The following TNRC6C variants were observed in gnomAD, a reference collection of about 807,000 sequenced individuals.
TNRC6C encodes trinucleotide repeat containing adaptor 6C.
In TNRC6C, 20 loss-of-function variants were observed where a neutral mutation model predicts 153.7. That is an observed-to-expected ratio of 0.13 (90% confidence interval 0.09 to 0.19). The LOEUF is 0.19. Among genes scored for constraint, TNRC6C ranks in the 10% least tolerant of loss-of-function variants. The pLI, the probability that TNRC6C is intolerant of heterozygous loss-of-function variation, is 1.00. For missense variants in TNRC6C, 1,987 were observed against 2,172.0 expected, an observed-to-expected ratio of 0.91 and a Z score of 1.69; for synonymous variants, 811 against 841.4, an observed-to-expected ratio of 0.96 and a Z score of 0.63.
intron 1 of TNRC6C, among the ~76,000 whole-genome samples, chr17:77,979,536 A>G (rs2071044847): frequency 6.6e-6 from 1 of 152,196 alleles, no homozygotes; most frequent in African/African-American, 2.4e-5. Context: ...CAAAGCACAG[A>G]GAGACAAAAG....
exon 3 of TNRC6C, chr17:78,050,942 G>C (rs1567938119): frequency 2.5e-6 from 4 of 1,613,768 alleles, no homozygotes; most frequent in South Asian, 1.1e-5. Context: ...AATAGGTCAG[G>C]GTCTGGTTGG....
At chr17:78,069,164 T>C (rs943207689) in intron 5 of TNRC6C, among the ~76,000 whole-genome samples, 1 of 151,864 alleles carries the variant, frequency 6.6e-6, no homozygotes, top group Admixed American at 6.6e-5. Flanking sequence ...ACTCATATCA[T>C]AGAGAGGGCC....
intron 1 of TNRC6C, among the ~76,000 whole-genome samples, chr17:77,988,956 C>T (rs1442157889): frequency 2.0e-5 from 3 of 152,166 alleles, no homozygotes; most frequent in Non-Finnish European, 2.9e-5. Flanking sequence ...TCATGTGGCA[C>T]ATATAGTACA....
chr17:77,977,161 C>T (rs1003156414), intron 1 of TNRC6C, among the ~76,000 whole-genome samples: 7 of 151,694 alleles, frequency 4.6e-5, no homozygotes, highest in Non-Finnish European at 1.0e-4. Context: ...ATTATAAACT[C>T]CTTGAAGGCA....
intron 16 of TNRC6C, 48 bp from the exon 20 acceptor site, chr17:78,098,295 T>A: frequency 6.6e-7 from 1 of 1,515,020 alleles, no homozygotes. Context: ...CAGTGAGTTT[T>A]CTTCTTTGTC....
At chr17:78,002,507 A>C (rs886855447), upstream of TNRC6C, among the ~76,000 whole-genome samples, 2 of 152,228 alleles carry the variant, frequency 1.3e-5, no homozygotes, top group African/African-American at 4.8e-5. Context: ...CTGTTGTAAT[A>C]GCGATAATTT....
chr17:77,993,144 T>C (rs1380511603), intron 1 of TNRC6C, among the ~76,000 whole-genome samples: 2 of 152,128 alleles, frequency 1.3e-5, no homozygotes, highest in African/African-American at 4.8e-5. Flanking sequence ...GTATATTTAG[T>C]AGAGACGGGG....
At chr17:78,007,954 A>C (rs1295074115) in intron 1 of TNRC6C, among the ~76,000 whole-genome samples, 2 of 152,222 alleles carry the variant, frequency 1.3e-5, no homozygotes, top group Non-Finnish European at 2.9e-5. Flanking sequence ...GAAATGCTTT[A>C]AATTTGGATT....
intron 17 of TNRC6C, among the ~76,000 whole-genome samples, chr17:78,102,104 G>A (rs937680092): frequency 2.6e-4 from 40 of 152,234 alleles, no homozygotes; most frequent in Non-Finnish European, 5.3e-4. Context: ...TTAACCAGAA[G>A]AACCTGGGAG....
chr17:77,986,063 A>G (rs2071162277), intron 1 of TNRC6C, among the ~76,000 whole-genome samples: 1 of 152,230 alleles, frequency 6.6e-6, no homozygotes, highest in African/African-American at 2.4e-5. Context: ...ATACATAAAA[A>G]TCAATTTTAA....
At chr17:78,014,314 G>C (rs2071689850) in intron 1 of TNRC6C, among the ~76,000 whole-genome samples, 1 of 152,172 alleles carries the variant, frequency 6.6e-6, no homozygotes, top group Non-Finnish European at 1.5e-5. Flanking sequence ...GTTTTGTCCA[G>C]TGTGTTGCCT....
intron 1 of TNRC6C, among the ~76,000 whole-genome samples, chr17:77,991,070 C>T (rs952742115): frequency 1.3e-5 from 2 of 152,138 alleles, no homozygotes; most frequent in African/African-American, 4.8e-5. Context: ...TATTTTATAA[C>T]AAATTCATTC....
intron 1 of TNRC6C, among the ~76,000 whole-genome samples, chr17:78,017,250 A>C (rs1480234321): frequency 1.3e-5 from 2 of 152,230 alleles, no homozygotes; most frequent in East Asian, 3.8e-4. Context: ...TTTTTAAAGA[A>C]AAGACTGTGT....
Position 78,097,970 on chromosome 17 carries a change from G to T in TNRC6C, c.4307-373G>T, listed in dbSNP as rs1408293934. 4.2e-6 allele frequency: 4 copies of T among 962,828 alleles called. 1 individual carries two copies. The highest frequency in any genetic ancestry group is 6.0e-6 in the Non-Finnish European group (4 of 664,230). The allele number at this position is 962,828 out of a possible 1,614,324, so 59.6% of individuals were successfully genotyped here. ...TGGCTCTTTACTCACTCCCTGAGCT[G>T]GGAGGCCGTGTGGCGTGATGAAGGA... On this transcript the variant is annotated intron_variant, in intron 16 of 19. Transcript: ENST00000301624.
chr17:78,073,976 C>T (rs1027484211), intron 7 of TNRC6C, among the ~76,000 whole-genome samples: 15 of 152,150 alleles, frequency 9.9e-5, no homozygotes, highest in African/African-American at 3.6e-4. Flanking sequence ...TCTGAGCAGC[C>T]GCACATACAG....
At chr17:78,077,943 C>CA (rs1446493601) in intron 9 of TNRC6C, among the ~76,000 whole-genome samples, 1 of 152,058 alleles carries the variant, frequency 6.6e-6, no homozygotes, top group East Asian at 1.9e-4. Context: ...AATGTTGTAC[C>CA]AAAAAACATA....
At chr17:78,089,387 T>C (rs987335352) in intron 13 of TNRC6C, among the ~76,000 whole-genome samples, 1 of 152,262 alleles carries the variant, frequency 6.6e-6, no homozygotes, top group South Asian at 2.1e-4. Flanking sequence ...ACAGTAAAGT[T>C]ATAAATGTAT....
At chr17:78,072,466 A>G (rs1231573677) in intron 6 of TNRC6C, among the ~76,000 whole-genome samples, 1 of 152,216 alleles carries the variant, frequency 6.6e-6, no homozygotes, top group Admixed American at 6.5e-5. Context: ...GATGGGCCTC[A>G]CTGGGACAGG....
At chr17:78,072,667 G>C (rs2073019389) in intron 6 of TNRC6C, among the ~76,000 whole-genome samples, 1 of 152,176 alleles carries the variant, frequency 6.6e-6, no homozygotes, top group African/African-American at 2.4e-5. Context: ...AGAACCACTT[G>C]AGCCCAGGAG....
Sources: allele counts gnomAD v4.1 joint callset (sites outside exome capture counted in the v4.1 genomes callset), GRCh38; gene constraint gnomAD v4.1.1; transcripts MANE v1.5; gene names NCBI Gene and HGNC (gene_info 2026-07-23, HGNC 2026-07-21).